Variants in MACROD1 observed in about 807,000 individuals in gnomAD.
The protein encoded by MACROD1 is mono-ADP ribosylhydrolase 1.
A neutral mutation model predicts 41.4 loss-of-function variants in MACROD1; 31 were observed. The ratio of observed to expected loss-of-function variants is 0.75; its 90% CI spans 0.56 to 1.01. The LOEUF is 1.01. Ranked by LOEUF, MACROD1 falls within the 50% of genes least tolerant of loss-of-function variation. The probability of loss-of-function intolerance (pLI) is 0.00; values close to 1 mark genes in which losing one functional copy is unlikely to be tolerated. For missense variants in MACROD1, 473 were observed against 460.0 expected (o/e 1.03, Z -0.26); for synonymous variants, 252 against 203.4 (o/e 1.24, Z -2.03).
chr11:64,061,904 G>A (rs1178675205), intron 3 of MACROD1, among the ~76,000 whole-genome samples: 1 of 136,820 alleles, frequency 7.3e-6, no homozygotes, highest in African/African-American at 3.0e-5. Context: ...TTGTAGAGAC[G>A]GAGTCTTGCT....
chr11:64,104,053 G>A (rs1245644541), intron 3 of MACROD1: 7 of 152,350 alleles, frequency 4.6e-5, no homozygotes, highest in African/African-American at 1.4e-4. Flanking sequence ...GTAGGACCAC[G>A]GGGCAGGGAA....
chr11:64,025,395 A>G (rs1943211294), intron 3 of MACROD1, among the ~76,000 whole-genome samples: 1 of 152,146 alleles, frequency 6.6e-6, no homozygotes, highest in Non-Finnish European at 1.5e-5. Context: ...GTGGCCTCCT[A>G]CATAGGCGGC....
chr11:64,095,685 G>A (rs1944563014), intron 3 of MACROD1, among the ~76,000 whole-genome samples: 1 of 152,258 alleles, frequency 6.6e-6, no homozygotes, highest in African/African-American at 2.4e-5. Flanking sequence ...CCAGCTCACA[G>A]CGGAGGTCTG....
intron 1 of MACROD1, among the ~76,000 whole-genome samples, chr11:64,156,697 A>T (rs1378710778): frequency 6.6e-6 from 1 of 152,138 alleles, no homozygotes; most frequent in Admixed American, 6.5e-5. Context: ...CACAGCCCAC[A>T]AAGCCCCTTC....
intron 3 of MACROD1, among the ~76,000 whole-genome samples, chr11:64,080,886 G>A (rs1944290762): frequency 6.6e-6 from 1 of 152,186 alleles, no homozygotes; most frequent in African/African-American, 2.4e-5. Context: ...TTCTGGCACT[G>A]AGGACTCGGG....
intron 3 of MACROD1, chr11:64,117,999 C>T: frequency 6.2e-7 from 1 of 1,613,786 alleles, no homozygotes; most frequent in Non-Finnish European, 8.5e-7. Context: ...CTGGTACGTG[C>T]ACCAGGCTGG....
chr11:64,095,379 G>A (rs748663236), intron 3 of MACROD1, among the ~76,000 whole-genome samples: 1 of 152,210 alleles, frequency 6.6e-6, no homozygotes, highest in Non-Finnish European at 1.5e-5. Context: ...CGCCTGGGCC[G>A]AGCGCACAGC....
intron 1 of MACROD1, among the ~76,000 whole-genome samples, chr11:64,157,872 G>A (rs1019925740): frequency 1.3e-5 from 2 of 152,124 alleles, no homozygotes; most frequent in African/African-American, 4.8e-5. Context: ...GGTGGCAGGG[G>A]CATTAATCAC....
chr11:64,014,386 C>A (rs567895280), intron 4 of MACROD1, among the ~76,000 whole-genome samples: 2 of 152,204 alleles, frequency 1.3e-5, no homozygotes, highest in Non-Finnish European at 2.9e-5. Flanking sequence ...GGCTGGTCAC[C>A]GACAGCTCTT....
intron 3 of MACROD1, among the ~76,000 whole-genome samples, chr11:64,085,157 G>T (rs1243158554): frequency 1.3e-5 from 2 of 152,222 alleles, no homozygotes; most frequent in Non-Finnish European, 2.9e-5. Context: ...AGAGGATGGG[G>T]CTTGAGGGCA....
At chr11:64,060,027 C>T (rs1481148376) in intron 3 of MACROD1, among the ~76,000 whole-genome samples, 1 of 152,184 alleles carries the variant, frequency 6.6e-6, no homozygotes, top group South Asian at 2.1e-4. Context: ...CCCTCCCACA[C>T]GGCAGGGGGG....
At chr11:64,068,860 G>T (rs898361173) in intron 3 of MACROD1, among the ~76,000 whole-genome samples, 55 of 152,336 alleles carry the variant, frequency 3.6e-4, no homozygotes, top group African/African-American at 1.3e-3. Context: ...AGTGAGCCTC[G>T]GCCTTCCCCG....
intron 3 of MACROD1, among the ~76,000 whole-genome samples, chr11:64,133,463 A>G (rs1487015618): frequency 2.0e-5 from 3 of 152,208 alleles, no homozygotes; most frequent in Non-Finnish European, 1.5e-5. Context: ...AGGCCGAGCC[A>G]GATGCCCGGG....
At chr11:64,101,850 C>T (rs998076462) in intron 3 of MACROD1, among the ~76,000 whole-genome samples, 2 of 152,106 alleles carry the variant, frequency 1.3e-5, no homozygotes, top group African/African-American at 4.8e-5. Flanking sequence ...AAACCTCCTT[C>T]TTCCTAGGGC....
intron 3 of MACROD1, among the ~76,000 whole-genome samples, chr11:64,039,025 G>A (rs1202570794): frequency 2.6e-5 from 4 of 152,188 alleles, no homozygotes; most frequent in Admixed American, 2.0e-4. Context: ...TTCACTGTGG[G>A]CCAAGGGCTT....
intron 4 of MACROD1, among the ~76,000 whole-genome samples, chr11:64,008,648 A>G (rs1942954175): frequency 1.3e-5 from 2 of 152,172 alleles, no homozygotes; most frequent in African/African-American, 4.8e-5. Flanking sequence ...TGGGCGGTGT[A>G]GGAGACACAC....
chr11:64,158,633 G>A (rs1258259223), intron 1 of MACROD1, among the ~76,000 whole-genome samples: 2 of 152,172 alleles, frequency 1.3e-5, no homozygotes, highest in Non-Finnish European at 2.9e-5. Flanking sequence ...CTTGGAGAGC[G>A]AGGAAGCAGC....
At chr11:64,144,609 G>A (rs943723858) in intron 3 of MACROD1, among the ~76,000 whole-genome samples, 5 of 151,896 alleles carry the variant, frequency 3.3e-5, no homozygotes, top group African/African-American at 9.7e-5. Flanking sequence ...TGGCTTCCCC[G>A]AGGAGGAGGG....
At chr11:64,075,776 G>A (rs1263130393) in intron 3 of MACROD1, among the ~76,000 whole-genome samples, 1 of 152,224 alleles carries the variant, frequency 6.6e-6, no homozygotes, top group Non-Finnish European at 1.5e-5. Flanking sequence ...AGGTTCAAGG[G>A]ATTCTCCTGC....
Sources: allele counts gnomAD v4.1 joint callset (sites outside exome capture counted in the v4.1 genomes callset), GRCh38; gene constraint gnomAD v4.1.1; transcripts MANE v1.5; gene names NCBI Gene and HGNC (gene_info 2026-07-23, HGNC 2026-07-21).